The following MYO5B variants were observed in gnomAD, a reference collection of about 807,000 sequenced individuals.
MYO5B encodes unconventional myosin-Vb.
In MYO5B, 143 loss-of-function variants were observed where a neutral mutation model predicts 229.3. That is an observed-to-expected ratio of 0.62 (90% CI 0.54 to 0.72). The LOEUF (loss-of-function observed/expected upper bound fraction) is 0.72. Among genes scored for constraint, MYO5B ranks in the 30% least tolerant of loss-of-function variants. The pLI is 0.00. For synonymous variants in MYO5B, 918 were observed against 885.2 expected (o/e 1.04, Z -0.66); for missense variants, 2,321 against 2,331.0 (o/e 1.00, Z 0.09).
intron 29 of MYO5B, among the ~76,000 whole-genome samples, chr18:49,859,841 G>C (rs1410370957): frequency 6.6e-6 from 1 of 152,182 alleles, no homozygotes; most frequent in Non-Finnish European, 1.5e-5. Flanking sequence ...CGCCTTCTTT[G>C]CCATTCTGAG....
At chr18:50,153,902 C>A (rs2032639795) in intron 1 of MYO5B, among the ~76,000 whole-genome samples, 1 of 152,044 alleles carries the variant, frequency 6.6e-6, no homozygotes, top group Non-Finnish European at 1.5e-5. Flanking sequence ...TGCTCCCCAC[C>A]CCTGGAGCCT....
intron 15 of MYO5B, among the ~76,000 whole-genome samples, 200 bp downstream of exon 15, chr18:49,937,045 C>G (rs1168431572): frequency 6.6e-6 from 1 of 152,214 alleles, no homozygotes; most frequent in East Asian, 1.9e-4. Flanking sequence ...GGCCCCTTCC[C>G]TCCTCCCTCT....
At chr18:49,912,506 T>C (rs2144162213) in intron 17 of MYO5B, among the ~76,000 whole-genome samples, 1 of 152,314 alleles carries the variant, frequency 6.6e-6, no homozygotes, top group South Asian at 2.1e-4. Flanking sequence ...CCCATAATTC[T>C]CACATGTCGA....
chr18:50,068,144 A>G (rs550660407), intron 1 of MYO5B, among the ~76,000 whole-genome samples: 1 of 152,326 alleles, frequency 6.6e-6, no homozygotes, highest in African/African-American at 2.4e-5. Context: ...ATTCCTCAAT[A>G]AAATTCTCAC....
At chr18:49,897,632 A>C (rs1233348052) in intron 21 of MYO5B, among the ~76,000 whole-genome samples, 1 of 152,238 alleles carries the variant, frequency 6.6e-6, no homozygotes, top group Non-Finnish European at 1.5e-5. Flanking sequence ...ATTTTTGTAG[A>C]GTTGTACATG....
intron 1 of MYO5B, among the ~76,000 whole-genome samples, chr18:50,072,095 G>A (rs1382159282): frequency 6.6e-6 from 1 of 152,188 alleles, no homozygotes; most frequent in Non-Finnish European, 1.5e-5. Flanking sequence ...CACTCCCTTT[G>A]GAAGTTCTCC....
chr18:49,826,401 A>G lies in MYO5B; in HGVS notation c.*70T>C. On this transcript the variant is annotated 3_prime_UTR_variant, in exon 40 of 40. Transcript: ENST00000285039. ...TTTACCAGATTTAACAGATCCTTGAATTTACTTTACTGTATATACTTCCTT... is the reference window on the plus strand; with the variant it reads ...TTTACCAGATTTAACAGATCCTTGAGTTTACTTTACTGTATATACTTCCTT... The G allele has an allele frequency of 1.3e-6, 2 of 1,569,716 alleles. No individual in the cohort carries two copies. The highest frequency in any genetic ancestry group is 1.7e-6 in the Non-Finnish European group (2 of 1,146,062).
intron 17 of MYO5B, among the ~76,000 whole-genome samples, chr18:49,921,850 T>C (rs1358130759): frequency 5.3e-5 from 8 of 152,200 alleles, no homozygotes; most frequent in Non-Finnish European, 1.2e-4. Flanking sequence ...ACGCATTTTC[T>C]TTTCCTTTGC....
chr18:50,189,636 G>T (rs889027224), intron 1 of MYO5B, among the ~76,000 whole-genome samples: 18 of 152,290 alleles, frequency 1.2e-4, no homozygotes, highest in African/African-American at 4.1e-4. Flanking sequence ...AGCACTAACA[G>T]CATCTGCTGA....
chr18:50,056,277 T>G (rs777262359), intron 1 of MYO5B, among the ~76,000 whole-genome samples: 6 of 152,128 alleles, frequency 3.9e-5, no homozygotes, highest in Non-Finnish European at 7.4e-5. Flanking sequence ...CAGCCCTACT[T>G]GCAGTCAGAA....
chr18:49,914,795 AAAAGAAAG>A (rs2024994817), intron 17 of MYO5B, among the ~76,000 whole-genome samples: 2 of 149,362 alleles, frequency 1.3e-5, no homozygotes, highest in Non-Finnish European at 3.0e-5. Context: ...AAAAAAAAAG[AAAAGAAAG>A]AAAGAAAAAG....
At position 50,134,736 on chromosome 18, in the gene MYO5B, G is replaced by A. The variant is rs186311266; in HGVS notation, c.27+60031C>T. Among the ~76,000 whole-genome samples, 114 of 152,128 alleles carry A rather than the reference G, an allele frequency of 7.5e-4. 2 individuals are homozygous for A. The East Asian group carries it at 0.021, about 28-fold the overall frequency. On this transcript the variant is annotated intron_variant, in intron 1 of 39. Coordinates refer to ENST00000285039, the MANE Select transcript of MYO5B (RefSeq NM_001080467.3). Reference sequence around the variant, plus strand: ...ACTCCATCCACCTGCTGAGGGAAACGGTGCCCTGGGGATTGCTCACGAGGC... The same window carrying A: ...ACTCCATCCACCTGCTGAGGGAAACAGTGCCCTGGGGATTGCTCACGAGGC...
intron 4 of MYO5B, among the ~76,000 whole-genome samples, chr18:50,019,128 C>T (rs2026247463): frequency 6.6e-6 from 1 of 152,178 alleles, no homozygotes; most frequent in African/African-American, 2.4e-5. Flanking sequence ...TAAATGAAAC[C>T]TCATTGACAT....
chr18:50,082,891 T>C (rs2031251578), intron 1 of MYO5B, among the ~76,000 whole-genome samples: 2 of 152,018 alleles, frequency 1.3e-5, no homozygotes, highest in African/African-American at 4.8e-5. Context: ...AAGAACCAAT[T>C]CTCCAGACAT....
At chr18:50,091,681 G>GT (rs1406534907) in intron 1 of MYO5B, among the ~76,000 whole-genome samples, 1 of 152,114 alleles carries the variant, frequency 6.6e-6, no homozygotes, top group Non-Finnish European at 1.5e-5. Context: ...GCAGCCATTT[G>GT]TTTATCAACT....
At chr18:49,889,470 G>A (rs1207642736) in intron 22 of MYO5B, among the ~76,000 whole-genome samples, 1 of 152,230 alleles carries the variant, frequency 6.6e-6, no homozygotes, top group Non-Finnish European at 1.5e-5. Context: ...CAGTTAGGAA[G>A]GCAGGGGTCT....
intron 1 of MYO5B, among the ~76,000 whole-genome samples, chr18:50,167,502 C>T (rs2032868898): frequency 6.6e-6 from 1 of 152,080 alleles, no homozygotes; most frequent in Non-Finnish European, 1.5e-5. Context: ...ATCAACTGTC[C>T]CAACCTCTAG....
intron 1 of MYO5B, among the ~76,000 whole-genome samples, chr18:50,132,921 C>T (rs1422779515): frequency 6.6e-6 from 1 of 152,246 alleles, no homozygotes; most frequent in Non-Finnish European, 1.5e-5. Context: ...TCCATAGCTT[C>T]AACCACTGGG....
intron 1 of MYO5B, among the ~76,000 whole-genome samples, chr18:50,139,607 GC>G (rs2032386941): frequency 1.3e-5 from 2 of 152,130 alleles, no homozygotes; most frequent in Admixed American, 1.3e-4. Flanking sequence ...GGAGCCCTTT[GC>G]CCAGCAGAGG....
Sources: gnomAD v4.1 joint callset for allele counts (sites outside exome capture counted in the v4.1 genomes callset) on GRCh38, gnomAD v4.1.1 for gene constraint, MANE v1.5 for transcripts, NCBI Gene and HGNC (gene_info 2026-07-23, HGNC 2026-07-21) for gene names.